DENND2A: variants seen among roughly 807,000 people sequenced by gnomAD.
DENND2A encodes the protein DENN domain containing 2A.
DENND2A carries 53 observed loss-of-function variants against 105.3 expected under a neutral mutation model. The observed-to-expected ratio is 0.50, with a 90% CI of 0.40 to 0.63. The LOEUF is 0.63. Ranked by LOEUF, DENND2A falls within the 30% of genes least tolerant of loss-of-function variation. The probability of loss-of-function intolerance (pLI) is 0.00; values close to 1 mark genes in which losing one functional copy is unlikely to be tolerated. For missense variants in DENND2A, 1,138 were observed against 1,279.6 expected, an observed-to-expected ratio of 0.89 and a Z score of 1.69; for synonymous variants, 522 against 508.4, an observed-to-expected ratio of 1.03 and a Z score of -0.36.
chr7:140,603,056 G>A (rs1026819718), intron 2 of DENND2A, among the ~76,000 whole-genome samples: 3 of 152,018 alleles, frequency 2.0e-5, no homozygotes, highest in Non-Finnish European at 4.4e-5. Context: ...AGGCCGAGGC[G>A]GGTGGATCAC....
At chr7:140,599,969 G>A (rs1799423620) in intron 3 of DENND2A, among the ~76,000 whole-genome samples, 1 of 151,970 alleles carries the variant, frequency 6.6e-6, no homozygotes. Flanking sequence ...TGATTAAGAT[G>A]GTAGCAGTGG....
chr7:140,635,794 G>A (rs1240343054), intron 1 of DENND2A, among the ~76,000 whole-genome samples: 1 of 152,210 alleles, frequency 6.6e-6, no homozygotes, highest in African/African-American at 2.4e-5. Flanking sequence ...GCTGAAGGTA[G>A]AGTCGCAATT....
At chr7:140,563,505 G>C (rs1585641047) in intron 9 of DENND2A, among the ~76,000 whole-genome samples, 1 of 151,832 alleles carries the variant, frequency 6.6e-6, no homozygotes, top group Non-Finnish European at 1.5e-5. Flanking sequence ...GCTGTGCCTT[G>C]ATTCAGGTGA....
At chr7:140,564,457 G>A (rs1356802196) in intron 9 of DENND2A, among the ~76,000 whole-genome samples, 1 of 152,114 alleles carries the variant, frequency 6.6e-6, no homozygotes, top group Non-Finnish European at 1.5e-5. Context: ...TATAAATAAT[G>A]AGAGGTTTAC....
At chr7:140,618,392 T>C (rs1250674432) in intron 1 of DENND2A, among the ~76,000 whole-genome samples, 1 of 152,224 alleles carries the variant, frequency 6.6e-6, no homozygotes, top group Non-Finnish European at 1.5e-5. Context: ...CTTCTCTCTG[T>C]TCTCAGGTAG....
chr7:140,552,399 T>C (rs900120033), intron 12 of DENND2A, among the ~76,000 whole-genome samples: 2 of 151,752 alleles, frequency 1.3e-5, no homozygotes, highest in Non-Finnish European at 2.9e-5. Context: ...CTTCTTTCTT[T>C]TTCTTTTCTT....
intron 9 of DENND2A, among the ~76,000 whole-genome samples, chr7:140,564,296 A>C (rs200775215): frequency 0.43 from 59,614 of 140,036 alleles, 12,931 homozygotes; most frequent in African/African-American, 0.53. Context: ...AAAAAAAAAA[A>C]ATACACACAC....
intron 14 of DENND2A, among the ~76,000 whole-genome samples, chr7:140,533,796 T>C (rs1796356091): frequency 6.6e-6 from 1 of 152,188 alleles, no homozygotes; most frequent in East Asian, 1.9e-4. Context: ...AACGTTTCTG[T>C]ACCTGGTTAT....
At chr7:140,568,871 CTCTT>C (rs1797977295) in intron 7 of DENND2A, 58 bp from the exon 8 acceptor site, 3 of 1,543,860 alleles carry the variant, frequency 1.9e-6, no homozygotes, top group Non-Finnish European at 2.7e-6. Flanking sequence ...ATGTAGGAAA[CTCTT>C]TCTATGTGGT....
chr7:140,618,762 T>G (rs1429054930), intron 1 of DENND2A, among the ~76,000 whole-genome samples: 2 of 152,160 alleles, frequency 1.3e-5, no homozygotes, highest in Non-Finnish European at 2.9e-5. Flanking sequence ...TTTTGGTGTG[T>G]TTGGATCTGT....
chr7:140,523,534 G>A lies in DENND2A; in HGVS notation c.2548-110C>T. 1 of 892,012 alleles carries A rather than the reference G, an allele frequency of 1.1e-6. No homozygotes were observed. The allele number at this position is 892,012 out of a possible 1,614,324, so 55.3% of individuals were successfully genotyped here. A position where few individuals can be genotyped will look rare whatever the true frequency, so the allele number is the denominator to read the frequency against. On this transcript the variant is annotated intron_variant, in intron 16 of 19. Coordinates refer to ENST00000496613, the MANE Select transcript of DENND2A (RefSeq NM_015689.5). The surrounding 1 kb of genome is among the most constrained non-coding windows in gnomAD (Gnocchi z 4.5). ...GCCTGGCTCAGTCTCCAGTTTCATG[G>A]AAGGAATACAACTGAAAGCCAGAGG...
intron 14 of DENND2A, among the ~76,000 whole-genome samples, chr7:140,541,550 G>A (rs768976142): frequency 6.6e-6 from 1 of 152,178 alleles, no homozygotes; most frequent in African/African-American, 2.4e-5. Context: ...TGGAGGGAGT[G>A]GGGGATGGAG....
chr7:140,596,933 GT>G (rs1339040039), intron 3 of DENND2A, among the ~76,000 whole-genome samples: 1 of 152,182 alleles, frequency 6.6e-6, no homozygotes, highest in Non-Finnish European at 1.5e-5. Context: ...AGTTAATGTT[GT>G]TGTAGGAACC....
At chr7:140,606,127 G>A (rs566644303) in intron 1 of DENND2A, among the ~76,000 whole-genome samples, 4 of 152,186 alleles carry the variant, frequency 2.6e-5, no homozygotes, top group East Asian at 1.9e-4. Context: ...CGCAACCTGC[G>A]CCTCCTGGGC....
chr7:140,625,005 G>A (rs904542923), intron 1 of DENND2A, among the ~76,000 whole-genome samples: 1 of 151,864 alleles, frequency 6.6e-6, no homozygotes, highest in Non-Finnish European at 1.5e-5. Context: ...TGACAGGCGT[G>A]CACCACCACG....
intron 14 of DENND2A, among the ~76,000 whole-genome samples, chr7:140,542,873 C>T (rs1796730169): frequency 6.6e-6 from 1 of 151,990 alleles, no homozygotes; most frequent in Non-Finnish European, 1.5e-5. Context: ...GCCTACTTTA[C>T]AGTCCTGAAG....
At chr7:140,611,042 GTTA>G (rs963180883) in intron 1 of DENND2A, among the ~76,000 whole-genome samples, 2 of 152,266 alleles carry the variant, frequency 1.3e-5, no homozygotes, top group South Asian at 4.2e-4. Flanking sequence ...ACAGAGCACT[GTTA>G]TTATTATTAT....
chr7:140,558,072 C>G, intron 11 of DENND2A, 71 bp downstream of exon 11: 1 of 1,343,818 alleles, frequency 7.4e-7, no homozygotes. Flanking sequence ...ACTGGGAAGC[C>G]AGACCTGGCT....
chr7:140,563,004 G>T (rs1197752370), intron 9 of DENND2A, among the ~76,000 whole-genome samples: 1 of 152,194 alleles, frequency 6.6e-6, no homozygotes, highest in African/African-American at 2.4e-5. Flanking sequence ...GTCATGCAAA[G>T]AAGCAAATAC....
Sources: allele counts gnomAD v4.1 joint callset (sites outside exome capture counted in the v4.1 genomes callset), GRCh38; gene constraint gnomAD v4.1.1; non-coding constraint Gnocchi (gnomAD v3.1); transcripts MANE v1.5; gene names NCBI Gene and HGNC (gene_info 2026-07-23, HGNC 2026-07-21).